The following CARD14 variants were observed in gnomAD, a reference collection of about 807,000 sequenced individuals.
CARD14 encodes caspase recruitment domain family member 14, also known as caspase recruitment domain-containing protein 14.
Under a neutral mutation model 111.5 loss-of-function variants are expected in CARD14, and 107 were observed. The ratio of observed to expected loss-of-function variants is 0.96; its 90% CI spans 0.82 to 1.13. The LOEUF is 1.13. CARD14 is among the 50% of genes most tolerant of loss of function. The pLI is 0.00. For missense variants in CARD14, 1,322 were observed against 1,362.3 expected, an observed-to-expected ratio of 0.97 and a Z score of 0.47; for synonymous variants, 617 against 579.6, an observed-to-expected ratio of 1.06 and a Z score of -0.93.
In CARD14 at chr17:80,195,289, C is replaced by A. The variant is rs1337453535; in HGVS notation, c.1455C>A (p.Tyr485Ter). ...SPAPPSQQSLYKRVAEDFGEE... is the reference protein window; with the variant it reads ...SPAPPSQQSL ...CGCCCCCCAGCCAGCAGTCCCTGTA[C>A]AAGCGGGTGGCCGAGGACTTCGGGG... The change falls in exon 13 of 24, where the codon TAC (tyrosine) becomes TAA (stop). Residue 485 changes from tyrosine to a stop codon, truncating the protein, a stop_gained. Coordinates refer to ENST00000648509, the MANE Select transcript of CARD14 (RefSeq NM_001366385.1). LOFTEE classifies it high-confidence loss of function. This position sits in a 1 kb window ranked among gnomAD's most constrained non-coding sequence, Gnocchi z 4.7. 2 of 1,613,004 alleles carry A rather than the reference C, an allele frequency of 1.2e-6. No individual in the cohort carries two copies. Among genetic ancestry groups the A allele is most frequent in the Non-Finnish European group, 1.7e-6 (2 of 1,179,806 alleles).
intron 14 of CARD14, among the ~76,000 whole-genome samples, chr17:80,197,790 T>C (rs1288534885): frequency 6.6e-6 from 1 of 152,208 alleles, no homozygotes; most frequent in South Asian, 2.1e-4. Flanking sequence ...AAATAGCATG[T>C]GGTGGTCAGA....
intron 12 of CARD14, among the ~76,000 whole-genome samples, chr17:80,194,906 G>T (rs1286600726): frequency 6.6e-6 from 1 of 152,128 alleles, no homozygotes; most frequent in Non-Finnish European, 1.5e-5. Flanking sequence ...ATGTAAAATG[G>T]GACAGCAGTG....
chr17:80,190,337 G>A (rs2040482343), intron 9 of CARD14, among the ~76,000 whole-genome samples: 1 of 152,124 alleles, frequency 6.6e-6, no homozygotes, highest in African/African-American at 2.4e-5. Context: ...GAGCGAGGCC[G>A]GGCGCGGTGG....
At chr17:80,181,162 T>C (rs1018413138) in intron 4 of CARD14, among the ~76,000 whole-genome samples, 6 of 152,234 alleles carry the variant, frequency 3.9e-5, no homozygotes, top group Admixed American at 3.3e-4. Context: ...AAGTGTGATT[T>C]AGTGACTTTA....
chr17:80,182,770 T>C lies in CARD14; in HGVS notation c.329T>C (p.Val110Ala), dbSNP rs138139140. ...YTLVTGLQPD[V>A]DFSNFSGLME... is the part of the protein sequence containing the mutation. ...CTGGTCACCGGGCTGCAGCCTGATG[T>C]TGACTTCAGTAACTTTAGCGGTGAG... is the stretch of plus-strand genomic sequence containing the variant. The change falls in exon 6 of 24, where the codon GTT (valine) becomes GCT (alanine). Residue 110 changes from valine (V) to alanine (A), a missense_variant. Physicochemically the swap from Val to Ala is moderately conservative, Grantham distance 64 (BLOSUM62 0). Coordinates refer to ENST00000648509, the MANE Select transcript of CARD14 (RefSeq NM_001366385.1). This position sits in a 1 kb window ranked among gnomAD's most constrained non-coding sequence, Gnocchi z 4.7. 466 of 1,614,200 alleles carry C rather than the reference T, an allele frequency of 2.9e-4. No homozygotes were observed. In the African/African-American group the frequency reaches 5.7e-3, roughly 20 times the overall value.
intron 12 of CARD14, among the ~76,000 whole-genome samples, chr17:80,193,579 G>A (rs1020267100): frequency 2.6e-5 from 4 of 152,184 alleles, no homozygotes; most frequent in Non-Finnish European, 2.9e-5. Flanking sequence ...GCCGGGAGCC[G>A]GGAGGGAGGG....
At chr17:80,202,465 A>G (rs1464642729) in intron 18 of CARD14, 45 bp downstream of exon 18, 6 of 1,591,164 alleles carry the variant, frequency 3.8e-6, no homozygotes, top group Non-Finnish European at 4.3e-6. Flanking sequence ...AGAGGCCCAC[A>G]GGGAAATGGC....
rs1567881452 is a variant in CARD14, at chr17:80,191,362, C to T, written c.1129C>T (p.Gln377Ter). The change falls in exon 11 of 24, where the codon CAG (glutamine) becomes TAG (stop). Residue 377 changes from glutamine to a stop codon, truncating the protein, a stop_gained. Transcript: ENST00000648509. LOFTEE classifies it high-confidence loss of function. ...ARDSAQREIS[Q>*]SLVEKDSLRR... ...GGACAGTGCTCAGAGGGAGATTTCC[C>T]AGAGCCTGGTGGAGAAGGACTCCCT... is the stretch of plus-strand genomic sequence containing the variant. 2 of 1,613,906 alleles carry T rather than the reference C, an allele frequency of 1.2e-6. No individual in the cohort carries two copies. The highest frequency in any genetic ancestry group is 1.7e-6 in the Non-Finnish European group (2 of 1,179,986).
At position 80,198,718 on chromosome 17, in the gene CARD14, CTT is replaced by C. The variant is rs2040816603; in HGVS notation, c.1851+129_1851+130del. The C allele has an allele frequency of 2.5e-6, 4 of 1,573,840 alleles. No homozygotes were observed. In the South Asian group the frequency reaches 4.6e-5, roughly 18 times the overall value. On this transcript the variant is annotated intron_variant, in intron 16 of 23. Transcript: ENST00000648509. This position sits in a 1 kb window ranked among gnomAD's most constrained non-coding sequence, Gnocchi z 7.5. ...ATCCACTCTGGGCTGGGCCTCTGCT[CTT>C]TCCTGGGCTGACGTAAAGCGTTCTG...
chr17:80,171,161 T>C (rs1177975794), intron 1 of CARD14, among the ~76,000 whole-genome samples: 36 of 84,368 alleles, frequency 4.3e-4, no homozygotes, highest in Admixed American at 5.7e-4. Flanking sequence ...CACCTTCCCC[T>C]TCCCCTCCCC....
rs1236976481 is a variant in CARD14 at position 80,183,895 on chromosome 17, C to T, written c.350-18C>T. Reference sequence around the variant, plus strand: ...CCTCCCTACCTGCTCACTTGCTCACCTGCCCATCTGCCCACAGGTCTCATG... The same window carrying T: ...CCTCCCTACCTGCTCACTTGCTCACTTGCCCATCTGCCCACAGGTCTCATG... On this transcript the variant is annotated intron_variant, in intron 6 of 23. Coordinates refer to ENST00000648509, the MANE Select transcript of CARD14 (RefSeq NM_001366385.1). 6.8e-7 allele frequency: 1 copy of T among 1,464,302 alleles called. No individual in the cohort carries two copies. Among genetic ancestry groups the T allele is most frequent in the Admixed American group, 2.7e-5 (1 of 36,796 alleles). 90.7% of individuals were successfully genotyped at this position (1,464,302 alleles called of 1,614,324 possible).
chr17:80,204,043 T>C, intron 19 of CARD14, 158 bp downstream of exon 19: 1 of 788,730 alleles, frequency 1.3e-6, no homozygotes, highest in Non-Finnish European at 2.0e-6. Flanking sequence ...CAGGGCAGGG[T>C]CTGCAGCCCC....
At chr17:80,187,536 G>A (rs185909460) in intron 7 of CARD14, among the ~76,000 whole-genome samples, 3 of 152,300 alleles carry the variant, frequency 2.0e-5, no homozygotes, top group South Asian at 2.1e-4. Flanking sequence ...ATCTGTGGAC[G>A]GTGACATGCC....
Position 80,182,307 on chromosome 17 carries a change from T to C in CARD14, c.212-346T>C, listed in dbSNP as rs2040199646. On this transcript the variant is annotated intron_variant, in intron 5 of 23. Coordinates refer to ENST00000648509, the MANE Select transcript of CARD14 (RefSeq NM_001366385.1). This position sits in a 1 kb window ranked among gnomAD's most constrained non-coding sequence, Gnocchi z 4.7. Reference sequence around the variant, plus strand: ...ACCGTGGTGGGACCCTGCGTCTGCATCACCCACCAGCTTGCCAGGGAGGTG... The same window carrying C: ...ACCGTGGTGGGACCCTGCGTCTGCACCACCCACCAGCTTGCCAGGGAGGTG... Among the ~76,000 whole-genome samples, 1 of 152,152 alleles carries C rather than the reference T, an allele frequency of 6.6e-6. No individual in the cohort carries two copies. The highest frequency in any genetic ancestry group is 2.4e-5 in the African/African-American group (1 of 41,432).
Position 80,191,404 on chromosome 17 carries a change from G to A in CARD14, c.1171G>A (p.Glu391Lys), listed in dbSNP as rs369150206. ...EKDSLRRQVF[E>K]LTDQVCELRT... ...GGACTCCCTCCGCAGGCAGGTGTTC[G>A]AGCTGACGGACCAGGTCTGCGAGCT... The change falls in exon 11 of 24, where the codon GAG becomes AAG. Residue 391 changes from glutamate (E) to lysine (K), a missense_variant. Transcript: ENST00000648509. The A allele has an allele frequency of 9.9e-6, 16 of 1,613,856 alleles. No individual in the cohort carries two copies. The highest frequency in any genetic ancestry group is 2.2e-5 in the East Asian group (1 of 44,876).
Position 80,201,829 on chromosome 17 carries a change from T to C in CARD14, c.1937T>C (p.Val646Ala). The C allele has an allele frequency of 1.2e-6, 2 of 1,613,790 alleles. No homozygotes were observed. The highest frequency in any genetic ancestry group is 1.3e-5 in the African/African-American group (1 of 74,972). ...LEEAVGLLRR[V>A]DGFCCLSVKV... ...GAGGCCGTGGGGCTTCTCAGGAGGG[T>C]GGACGGCTTCTGCTGCCTGTCTGTG... Residue 646 changes from valine to alanine, a missense_variant, in exon 17 of 24, where the codon GTG becomes GCG. Coordinates refer to ENST00000648509, the MANE Select transcript of CARD14 (RefSeq NM_001366385.1). The surrounding 1 kb of genome is among the most constrained non-coding windows in gnomAD (Gnocchi z 5.0).
rs573615320 is a variant in CARD14, at chr17:80,193,865, G to GC, written c.1356+1251dup. ...TCGCATCTGCCTTAACGCCCTCTGT[G>GC]CCCCCATTCCCCACAGGACAGAGGC... On this transcript the variant is annotated intron_variant, in intron 12 of 23. Coordinates refer to ENST00000648509, the MANE Select transcript of CARD14 (RefSeq NM_001366385.1). 8.5e-5 allele frequency among the ~76,000 whole-genome samples: 13 copies of GC among 152,182 alleles called. No individual in the cohort carries two copies. The South Asian group carries it at 2.3e-3, about 27-fold the overall frequency.
chr17:80,191,552 G>A, intron 11 of CARD14, 80 bp downstream of exon 11: 1 of 1,538,116 alleles, frequency 6.5e-7, no homozygotes, highest in South Asian at 1.2e-5. Context: ...CTCCAGGGTG[G>A]CCCATGGAGG....
chr17:80,192,444 C>A, intron 11 of CARD14, 59 bp from the exon 12 acceptor site: 2 of 1,326,944 alleles, frequency 1.5e-6, no homozygotes, highest in Non-Finnish European at 1.1e-6. Flanking sequence ...AGAAACTCCA[C>A]GGGCCTCAAA....
Sources: allele counts gnomAD v4.1 joint callset (sites outside exome capture counted in the v4.1 genomes callset), GRCh38; gene constraint gnomAD v4.1.1; non-coding constraint Gnocchi (gnomAD v3.1); transcripts MANE v1.5; gene names NCBI Gene and HGNC (gene_info 2026-07-23, HGNC 2026-07-21).